CMTR1: variants seen among roughly 807,000 people sequenced by gnomAD.
CMTR1 encodes the protein cap methyltransferase 1.
Under a neutral mutation model 107.0 loss-of-function variants are expected in CMTR1, and 39 were observed. The ratio of observed to expected loss-of-function variants is 0.36; its 90% CI spans 0.28 to 0.48. The LOEUF is 0.48. CMTR1 is among the 20% of genes least tolerant of loss of function. The pLI is 0.99. For missense variants in CMTR1, 672 were observed against 1,064.9 expected, an observed-to-expected ratio of 0.63 and a Z score of 5.14; for synonymous variants, 366 against 379.5, an observed-to-expected ratio of 0.96 and a Z score of 0.41.
chr6:37,467,209 G>A (rs1292687708), intron 13 of CMTR1, among the ~76,000 whole-genome samples: 1 of 152,174 alleles, frequency 6.6e-6, no homozygotes, highest in Non-Finnish European at 1.5e-5. Context: ...ATTTTGATAT[G>A]TGTCTTTTAA....
intron 19 of CMTR1, 88 bp downstream of exon 19, chr6:37,475,500 C>CT (rs1341488062): frequency 9.4e-7 from 1 of 1,060,412 alleles, no homozygotes; most frequent in Non-Finnish European, 1.4e-6. Flanking sequence ...GGCCCCTTAT[C>CT]TAGGCCTTCT....
intron 8 of CMTR1, among the ~76,000 whole-genome samples, chr6:37,457,313 C>G (rs960118713): frequency 1.3e-5 from 2 of 151,926 alleles, no homozygotes; most frequent in African/African-American, 4.8e-5. Flanking sequence ...GATGATTAGT[C>G]AGTCCTGAGT....
At chr6:37,474,675 C>T (rs1272562769) in intron 18 of CMTR1, 29 bp downstream of exon 18, 1 of 1,610,750 alleles carries the variant, frequency 6.2e-7, no homozygotes, top group Non-Finnish European at 8.5e-7. Flanking sequence ...CAGGTGTTGG[C>T]CCTGCAGCTA....
Position 37,435,663 on chromosome 6 carries a change from C to G in CMTR1, c.34C>G (p.Pro12Ala). 1 of 1,600,298 alleles carries G rather than the reference C, an allele frequency of 6.2e-7. No individual in the cohort carries two copies. Among genetic ancestry groups the G allele is most frequent in the Non-Finnish European group, 8.5e-7 (1 of 1,174,698 alleles). ...KRRTDPECTA[P>A]IKKQKKRVAE... ...GAGAACTGACCCAGAATGCACTGCC[C>G]CCATCAAGAAACAGAAAAAAAGAGT... The change falls in exon 2 of 24, where the codon CCC becomes GCC. Residue 12 changes from proline (P) to alanine (A), a missense_variant. By Grantham distance (27) the Pro-to-Ala change is conservative. Transcript: ENST00000373451.
intron 3 of CMTR1, 124 bp downstream of exon 3, chr6:37,444,274 A>G: frequency 8.3e-7 from 1 of 1,211,204 alleles, no homozygotes; most frequent in Non-Finnish European, 1.1e-6. Flanking sequence ...TCAGCTACTG[A>G]AATTTAGCAG....
chr6:37,431,792 T>C (rs1771381194), upstream of CMTR1, among the ~76,000 whole-genome samples: 1 of 152,146 alleles, frequency 6.6e-6, no homozygotes, highest in Admixed American at 6.5e-5. Flanking sequence ...GGCTGAACTC[T>C]TAAGAGACAT....
chr6:37,438,407 C>T (rs1771588176), intron 2 of CMTR1, among the ~76,000 whole-genome samples: 1 of 152,070 alleles, frequency 6.6e-6, no homozygotes. Flanking sequence ...AATGGAAATC[C>T]AGAGGTGTCC....
chr6:37,461,375 A>G (rs924071082), intron 10 of CMTR1, among the ~76,000 whole-genome samples, 174 bp from the exon 11 acceptor site: 4 of 152,222 alleles, frequency 2.6e-5, no homozygotes, highest in Admixed American at 2.0e-4. Flanking sequence ...TGCTTACTCC[A>G]TCTAACAAGC....
rs1561789310 is a variant in CMTR1 at position 37,464,612 on chromosome 6, T to C, written c.1505+1604T>C. Among the ~76,000 whole-genome samples the C allele has an allele frequency of 2.0e-5, 3 of 152,224 alleles. No individual in the cohort carries two copies. The South Asian group carries it at 6.2e-4, about 31-fold the overall frequency. On this transcript the variant is annotated intron_variant, in intron 13 of 23. Coordinates refer to ENST00000373451, the MANE Select transcript of CMTR1 (RefSeq NM_015050.3). ...TTTGTATTTTGTGTCTGGGATTTTT[T>C]CCTCCTCATGTTTTTGAGATTCATT...
At position 37,464,929 on chromosome 6, in the gene CMTR1, TAC is replaced by T. The variant is rs201619995; in HGVS notation, c.1505+1923_1505+1924del. Among the ~76,000 whole-genome samples, 30 of 129,892 alleles carry T rather than the reference TAC, an allele frequency of 2.3e-4. No individual in the cohort carries two copies. The East Asian group carries it at 5.0e-3, about 22-fold the overall frequency. 85.2% of individuals were successfully genotyped at this position (129,892 alleles called of 152,430 possible). On this transcript the variant is annotated intron_variant, in intron 13 of 23. Transcript: ENST00000373451. ...GTGTGTGTGTGTGTGTGTGTGTGTG[TAC>T]AGACAAACAATAAAACAATGTATAT...
chr6:37,462,860 A>C lies in CMTR1; in HGVS notation c.1357A>C (p.Ile453Leu), dbSNP rs1228878492. The C allele has an allele frequency of 6.2e-7, 1 of 1,613,262 alleles. No individual in the cohort carries two copies. Among genetic ancestry groups the C allele is most frequent in the African/African-American group, 1.3e-5 (1 of 75,042 alleles). ...GGTGTGCAAGGGCCTGAAGGTGGGCATAGATGATGTTCGGGATTACCTCTT... is the reference window on the plus strand; with the variant it reads ...GGTGTGCAAGGGCCTGAAGGTGGGCCTAGATGATGTTCGGGATTACCTCTT... ...YVVCKGLKVG[I>L]DDVRDYLFAV... is the part of the protein sequence containing the mutation. The change falls in exon 13 of 24, where the codon ATA becomes CTA. Residue 453 changes from isoleucine (I) to leucine (L), a missense_variant. Physicochemically the swap from Ile to Leu is conservative, Grantham distance 5. Transcript: ENST00000373451.
chr6:37,425,067 G>C, the CMTR1 span, among the ~76,000 whole-genome samples: 3 of 149,582 alleles, frequency 2.0e-5, no homozygotes, highest in Admixed American at 2.0e-4. Context: ...TCCTGCCTCA[G>C]CCTCCAGAGT....
intron 9 of CMTR1, 53 bp from the exon 10 acceptor site, chr6:37,459,513 C>T: frequency 1.3e-6 from 2 of 1,489,484 alleles, no homozygotes; most frequent in Non-Finnish European, 1.9e-6. Flanking sequence ...CGTGTCCCAG[C>T]TCCTGACATG....
At position 37,471,060 on chromosome 6, in the gene CMTR1, T is replaced by C. The variant is rs370558292; in HGVS notation, c.1545T>C (p.His515=). The change falls in exon 14 of 24, where the codon CAT becomes CAC. Residue 515 remains histidine (H), a synonymous_variant. Transcript: ENST00000373451. ...SLQIKALAKI[H]AFVQDTTLSE... ...AGATCAAAGCTCTGGCGAAAATCCA[T>C]GCCTTTGTTCAAGACACGTGAGTGT... The C allele has an allele frequency of 1.2e-6, 2 of 1,607,732 alleles. No homozygotes were observed. The highest frequency in any genetic ancestry group is 1.7e-6 in the Non-Finnish European group (2 of 1,177,072).
intron 13 of CMTR1, among the ~76,000 whole-genome samples, chr6:37,469,699 T>C (rs1406973181): frequency 6.6e-6 from 1 of 151,724 alleles, no homozygotes; most frequent in Non-Finnish European, 1.5e-5. Flanking sequence ...GGCTAGTTTT[T>C]GTATTTTTAG....
chr6:37,453,195 T>A, intron 7 of CMTR1, 45 bp from the exon 8 acceptor site: 1 of 1,613,070 alleles, frequency 6.2e-7, no homozygotes, highest in Non-Finnish European at 8.5e-7. Context: ...ACCTTTTCAA[T>A]TGAGCCTAGT....
At chr6:37,461,508 CTT>C in intron 10 of CMTR1, 39 bp from the exon 11 acceptor site, 1 of 1,168,446 alleles carries the variant, frequency 8.6e-7, no homozygotes, top group African/African-American at 1.5e-5. Context: ...TAGTCCTTCT[CTT>C]TTCTCTTTCC....
At chr6:37,467,887 T>A (rs1436294802) in intron 13 of CMTR1, among the ~76,000 whole-genome samples, 1 of 152,186 alleles carries the variant, frequency 6.6e-6, no homozygotes, top group Non-Finnish European at 1.5e-5. Context: ...TACCTTTTTG[T>A]CCAGTCTGAT....
rs1761616276 is a variant in CMTR1, at chr6:37,471,157, T to G, written c.1562+80T>G. 3 of 1,309,612 alleles carry G rather than the reference T, an allele frequency of 2.3e-6. No individual in the cohort carries two copies. In the South Asian group the frequency reaches 4.1e-5, roughly 18 times the overall value. 81.1% of individuals were successfully genotyped at this position (1,309,612 alleles called of 1,614,324 possible). On this transcript the variant is annotated intron_variant, in intron 14 of 23. Coordinates refer to ENST00000373451, the MANE Select transcript of CMTR1 (RefSeq NM_015050.3). ...TCCTCCCCACAAGCTGTTTGTTTTT[T>G]TCATTTCAACAAACATTTTAAAACA... is the stretch of plus-strand genomic sequence containing the variant.
Sources: gnomAD v4.1 joint callset for allele counts (sites outside exome capture counted in the v4.1 genomes callset) on GRCh38, gnomAD v4.1.1 for gene constraint, MANE v1.5 for transcripts, NCBI Gene and HGNC (gene_info 2026-07-23, HGNC 2026-07-21) for gene names.